The following SETD3 variants were observed in gnomAD, a reference collection of about 807,000 sequenced individuals.
SETD3 encodes SET domain containing 3, actin N3(tau)-histidine methyltransferase.
In SETD3, 19 loss-of-function variants were observed where a neutral mutation model predicts 63.0. The observed-to-expected ratio is 0.30, with a 90% confidence interval of 0.21 to 0.44. The LOEUF (loss-of-function observed/expected upper bound fraction) is 0.44, where lower values mean the gene tolerates loss of function less well. SETD3 is among the 20% of genes least tolerant of loss of function. SETD3 has a pLI of 1.00. For missense variants in SETD3, 587 were observed against 728.5 expected, an observed-to-expected ratio of 0.81 and a Z score of 2.24; for synonymous variants, 286 against 264.1, an observed-to-expected ratio of 1.08 and a Z score of -0.80.
intron 6 of SETD3, among the ~76,000 whole-genome samples, chr14:99,450,735 G>C (rs1894411341): frequency 6.6e-6 from 1 of 152,134 alleles, no homozygotes; most frequent in Non-Finnish European, 1.5e-5. Flanking sequence ...CAAATGGTTG[G>C]ATCAACACAA....
At chr14:99,438,932 A>G (rs1893638009) in intron 6 of SETD3, among the ~76,000 whole-genome samples, 1 of 152,240 alleles carries the variant, frequency 6.6e-6, no homozygotes, top group Non-Finnish European at 1.5e-5. Flanking sequence ...GGTTAATTAC[A>G]TCAGAAGAAT....
At chr14:99,478,069 G>T (rs186176919) in intron 1 of SETD3, among the ~76,000 whole-genome samples, 3 of 152,148 alleles carry the variant, frequency 2.0e-5, no homozygotes, top group Non-Finnish European at 2.9e-5. Context: ...ACACTTCTAT[G>T]ACTATAGCAG....
chr14:99,405,384 A>G lies in SETD3; in HGVS notation c.925-13T>C, dbSNP rs1450606205. Reference sequence around the variant, plus strand: ...AAAAAATGTAAATCTGAGATGCAGTAAAGAAAAAAGAAAAGGGCATTAGAC... The same window carrying G: ...AAAAAATGTAAATCTGAGATGCAGTGAAGAAAAAAGAAAAGGGCATTAGAC... On this transcript the variant is annotated splice_polypyrimidine_tract_variant and intron_variant, in intron 9 of 12. Transcript: ENST00000331768. The G allele has an allele frequency of 4.4e-6, 7 of 1,608,378 alleles. No individual in the cohort carries two copies. The highest frequency in any genetic ancestry group is 1.7e-4 in the Middle Eastern group (1 of 6,026).
At chr14:99,485,120 G>C (rs1896451917), upstream of SETD3, among the ~76,000 whole-genome samples, 1 of 152,190 alleles carries the variant, frequency 6.6e-6, no homozygotes, top group Admixed American at 6.5e-5. Context: ...TTTGAGGACT[G>C]TCTCTATTCT....
At chr14:99,481,658 C>T (rs375949487), upstream of SETD3, 1 of 386,262 alleles carries the variant, frequency 2.6e-6, no homozygotes, top group East Asian at 3.7e-5. Context: ...GTGGGGCGGG[C>T]GTGTAGAGAG....
chr14:99,482,301 C>G (rs1896359924), upstream of SETD3, among the ~76,000 whole-genome samples: 1 of 152,200 alleles, frequency 6.6e-6, no homozygotes. Context: ...TTTACAGATA[C>G]CTAGCACAAT....
At chr14:99,440,812 CA>C (rs1338615844) in intron 6 of SETD3, among the ~76,000 whole-genome samples, 2 of 148,630 alleles carry the variant, frequency 1.3e-5, no homozygotes, top group Non-Finnish European at 3.0e-5. Context: ...TTGGAAAATA[CA>C]GAAAGCACTT....
At chr14:99,444,754 G>A (rs763172431) in intron 6 of SETD3, among the ~76,000 whole-genome samples, 32 of 151,882 alleles carry the variant, frequency 2.1e-4, no homozygotes, top group Non-Finnish European at 2.2e-4. Context: ...AAGATGGCTT[G>A]AGCCTGGCAG....
chr14:99,484,194 A>G (rs115364182), upstream of SETD3, among the ~76,000 whole-genome samples: 1,103 of 152,348 alleles, frequency 7.2e-3, 9 homozygotes, highest in African/African-American at 0.025. Context: ...GTATAAAGTA[A>G]GACTAGTTGT....
rs765898824 is a variant in SETD3, at chr14:99,404,279, G to A, written c.1123C>T (p.Pro375Ser). The A allele has an allele frequency of 2.5e-6, 4 of 1,614,004 alleles. No individual in the cohort carries two copies. The East Asian group carries it at 8.9e-5, about 36-fold the overall frequency. ...SSVFALHFTE[P>S]PISAQLLAFL... is the part of the protein sequence containing the mutation. ...GCCAAAAGCTGAGCAGAGATGGGCGGCTCGGTAAAATGCAATGCAAAAACA... is the reference window on the plus strand; with the variant it reads ...GCCAAAAGCTGAGCAGAGATGGGCGACTCGGTAAAATGCAATGCAAAAACA... The change falls in exon 11 of 13, where the codon CCG (proline) becomes TCG (serine). Residue 375 changes from proline to serine, a missense_variant. Physicochemically the swap from Pro to Ser is moderately conservative, Grantham distance 74. Transcript: ENST00000331768.
intron 6 of SETD3, among the ~76,000 whole-genome samples, chr14:99,434,074 A>G (rs148500737): frequency 1.8e-3 from 270 of 152,348 alleles, no homozygotes; most frequent in Non-Finnish European, 3.4e-3. Flanking sequence ...AGAAGAAATG[A>G]ATGTATATGT....
At chr14:99,461,420 A>C in intron 3 of SETD3, 80 bp from the exon 4 acceptor site, 1 of 1,410,934 alleles carries the variant, frequency 7.1e-7, no homozygotes, top group Non-Finnish European at 9.7e-7. Context: ...AAATAAAAAC[A>C]GGCCATAACT....
chr14:99,458,601 C>T (rs990039887), intron 5 of SETD3, 66 bp from the exon 6 acceptor site: 39 of 1,545,140 alleles, frequency 2.5e-5, no homozygotes, highest in Non-Finnish European at 3.1e-5. Flanking sequence ...TTTAAATATA[C>T]GTTTACAAAT....
chr14:99,472,997 A>C (rs1049833097), intron 1 of SETD3, among the ~76,000 whole-genome samples: 1 of 152,230 alleles, frequency 6.6e-6, no homozygotes, highest in Non-Finnish European at 1.5e-5. Context: ...TTTCTTCACC[A>C]TCAAGATATT....
chr14:99,479,264 C>T (rs1360502029), intron 1 of SETD3, among the ~76,000 whole-genome samples: 1 of 152,216 alleles, frequency 6.6e-6, no homozygotes, highest in East Asian at 1.9e-4. Context: ...GGTTCTGTAG[C>T]TGTTTGAGAA....
At chr14:99,399,884 G>C (rs2139603993) in intron 12 of SETD3, among the ~76,000 whole-genome samples, 1 of 151,728 alleles carries the variant, frequency 6.6e-6, no homozygotes, top group African/African-American at 2.4e-5. Flanking sequence ...CTGAGTAGCT[G>C]GGATTACAGA....
chr14:99,407,338 T>G (rs774044891), intron 8 of SETD3, among the ~76,000 whole-genome samples: 1 of 152,160 alleles, frequency 6.6e-6, no homozygotes, highest in Non-Finnish European at 1.5e-5. Flanking sequence ...AAGGAAACCC[T>G]CGCGTCTCAC....
In SETD3 at chr14:99,465,633, A is replaced by G. The variant is rs1011066605; in HGVS notation, c.103+70T>C. 2.3e-6 allele frequency: 3 copies of G among 1,286,070 alleles called. No homozygotes were observed. The African/African-American group carries it at 4.4e-5, about 19-fold the overall frequency. The allele number at this position is 1,286,070 out of a possible 1,614,324, so 79.7% of individuals were successfully genotyped here. A position where few individuals can be genotyped will look rare whatever the true frequency, so the allele number is the denominator to read the frequency against. ...CAGCTTGTCTGATGCACGCGTCCCC[A>G]TTCTGGTGACAAAGAAGAAAAAGGC... On this transcript the variant is annotated intron_variant, in intron 2 of 12. Coordinates refer to ENST00000331768, the MANE Select transcript of SETD3 (RefSeq NM_032233.3).
rs147700127 is a variant in SETD3, at chr14:99,458,303, G to A, written c.651C>T (p.Tyr217=). The A allele has an allele frequency of 3.4e-4, 550 of 1,613,934 alleles. No individual in the cohort carries two copies. The highest frequency in any genetic ancestry group is 2.8e-3 in the East Asian group (127 of 44,878). Residue 217 remains tyrosine, a synonymous_variant, in exon 6 of 13, where the codon TAC becomes TAT. Coordinates refer to ENST00000331768, the MANE Select transcript of SETD3 (RefSeq NM_032233.3). ...FSQYKNTARQ[Y]AYFYKVIQTH... ...CCTGGATGACTTTATAGAAGTAGGC[G>A]TACTGTCGAGCTGTGTTTTTATACT...
Sources: allele counts gnomAD v4.1 joint callset (sites outside exome capture counted in the v4.1 genomes callset), GRCh38; gene constraint gnomAD v4.1.1; transcripts MANE v1.5; gene names NCBI Gene and HGNC (gene_info 2026-07-23, HGNC 2026-07-21).